CTNNA3: variants seen among roughly 807,000 people sequenced by gnomAD.
The protein encoded by CTNNA3 is catenin alpha 3, also known as catenin alpha-3.
Under a neutral mutation model 95.7 loss-of-function variants are expected in CTNNA3, and 76 were observed. The observed-to-expected ratio is 0.79, with a 90% CI of 0.66 to 0.96. The LOEUF (loss-of-function observed/expected upper bound fraction) is 0.96, where lower values mean the gene tolerates loss of function less well. Among genes scored for constraint, CTNNA3 ranks in the 40% least tolerant of loss-of-function variants. The pLI is 0.00. For missense variants in CTNNA3, 1,191 were observed against 1,089.8 expected (o/e 1.09, Z -1.31); for synonymous variants, 431 against 374.4 (o/e 1.15, Z -1.74).
intron 9 of CTNNA3, among the ~76,000 whole-genome samples, chr10:66,708,703 A>G (rs1412970217): frequency 1.3e-5 from 2 of 152,036 alleles, no homozygotes; most frequent in Non-Finnish European, 2.9e-5. Flanking sequence ...ACTGAGTATC[A>G]CTGAATTTAG....
Position 67,219,658 on chromosome 10 carries a change from G to C in CTNNA3, c.792C>G (p.Thr264=). 6.2e-7 allele frequency: 1 copy of C among 1,614,056 alleles called. No homozygotes were observed. The highest frequency in any genetic ancestry group is 8.5e-7 in the Non-Finnish European group (1 of 1,179,986). ...GGGTTGCTGCCTGAGGTTCTGGTGGGGTTGTCATATTCTGGATCCCTTGTG... is the reference window on the plus strand; with the variant it reads ...GGGTTGCTGCCTGAGGTTCTGGTGGCGTTGTCATATTCTGGATCCCTTGTG... ...NASQGIQNMT[T]PPEPQAATLG... Residue 264 remains threonine (T), a synonymous_variant, in exon 6 of 18, where the codon ACC becomes ACG. Transcript: ENST00000433211.
chr10:66,814,490 G>T (rs1479840773), intron 7 of CTNNA3, among the ~76,000 whole-genome samples: 1 of 152,086 alleles, frequency 6.6e-6, no homozygotes, highest in Non-Finnish European at 1.5e-5. Flanking sequence ...GCTGGGTGCA[G>T]TGGATCACAC....
intron 2 of CTNNA3, among the ~76,000 whole-genome samples, chr10:67,638,242 C>G (rs1485904627): frequency 6.6e-6 from 1 of 152,052 alleles, no homozygotes; most frequent in Non-Finnish European, 1.5e-5. Flanking sequence ...GACTTTAAAC[C>G]AACAAAGATC....
At chr10:66,688,654 AT>A (rs1034518561) in intron 9 of CTNNA3, among the ~76,000 whole-genome samples, 4 of 151,974 alleles carry the variant, frequency 2.6e-5, no homozygotes, top group African/African-American at 7.2e-5. Flanking sequence ...TACTAACTTT[AT>A]TTTCTAAAAT....
intron 15 of CTNNA3, among the ~76,000 whole-genome samples, chr10:66,037,442 T>C (rs2079588938): frequency 6.6e-6 from 1 of 152,186 alleles, no homozygotes; most frequent in East Asian, 1.9e-4. Context: ...AAGCTTCTCA[T>C]AGGAATCATA....
intron 7 of CTNNA3, among the ~76,000 whole-genome samples, chr10:66,804,403 GT>G (rs1174931311): frequency 6.6e-6 from 1 of 151,988 alleles, no homozygotes; most frequent in African/African-American, 2.4e-5. Context: ...TCCTTGCTCA[GT>G]GTCACTTCTG....
intron 13 of CTNNA3, among the ~76,000 whole-genome samples, chr10:66,144,073 G>T (rs556459705): frequency 4.5e-4 from 69 of 152,224 alleles, no homozygotes; most frequent in African/African-American, 1.2e-3. Flanking sequence ...TTGTTGCTAA[G>T]ACAATTTATT....
intron 11 of CTNNA3, among the ~76,000 whole-genome samples, chr10:66,394,060 A>G (rs1293853201): frequency 6.6e-6 from 1 of 152,094 alleles, no homozygotes; most frequent in Non-Finnish European, 1.5e-5. Flanking sequence ...AAGATTGTTT[A>G]TGCTATAGTA....
At chr10:66,875,706 A>G (rs1844590768) in intron 7 of CTNNA3, among the ~76,000 whole-genome samples, 1 of 152,192 alleles carries the variant, frequency 6.6e-6, no homozygotes, top group Admixed American at 6.5e-5. Flanking sequence ...GTCATTTGAG[A>G]TATTATTCTC....
intron 11 of CTNNA3, among the ~76,000 whole-genome samples, chr10:66,432,518 C>T (rs7913571): frequency 0.27 from 40,207 of 151,698 alleles, 5,486 homozygotes; most frequent in South Asian, 0.39. Flanking sequence ...ATTAGCCGGG[C>T]GTAGTGGTGG....
chr10:66,245,104 C>A (rs1202657079), intron 13 of CTNNA3, among the ~76,000 whole-genome samples: 2 of 152,156 alleles, frequency 1.3e-5, no homozygotes, highest in Non-Finnish European at 2.9e-5. Flanking sequence ...AAGGGTGAGT[C>A]AGCAATAGAG....
Position 67,299,404 on chromosome 10 carries a change from G to A in CTNNA3, c.580-79534C>T, listed in dbSNP as rs139016963. Among the ~76,000 whole-genome samples the A allele has an allele frequency of 1.3e-3, 197 of 152,190 alleles. 2 individuals carry two copies. The highest frequency in any genetic ancestry group is 4.5e-3 in the African/African-American group (185 of 41,532). On this transcript the variant is annotated intron_variant, in intron 5 of 17. Coordinates refer to ENST00000433211, the MANE Select transcript of CTNNA3 (RefSeq NM_013266.4). ...GATTTAGAATATGATCAAGATCTAC[G>A]TAAATCTCTACTCTGACTTTTAAAT...
At chr10:67,674,653 C>T (rs1026315272) in intron 1 of CTNNA3, among the ~76,000 whole-genome samples, 31 of 152,128 alleles carry the variant, frequency 2.0e-4, no homozygotes, top group African/African-American at 7.5e-4. Flanking sequence ...AAGGAGATAT[C>T]ACATCACTAT....
chr10:66,027,944 C>T (rs2079373978), intron 15 of CTNNA3, among the ~76,000 whole-genome samples: 1 of 152,130 alleles, frequency 6.6e-6, no homozygotes, highest in African/African-American at 2.4e-5. Context: ...CAGATTAAAG[C>T]ATTTAGAGTC....
chr10:66,024,444 T>C (rs1271922964), intron 15 of CTNNA3, among the ~76,000 whole-genome samples: 1 of 152,286 alleles, frequency 6.6e-6, no homozygotes, highest in African/African-American at 2.4e-5. Flanking sequence ...TACAGTTTCA[T>C]AGATTGATAA....
chr10:67,072,159 G>A (rs1287791413), intron 7 of CTNNA3, among the ~76,000 whole-genome samples: 4 of 152,020 alleles, frequency 2.6e-5, no homozygotes, highest in Non-Finnish European at 4.4e-5. Context: ...TTGCTATGTT[G>A]GTCAGGCTGG....
At chr10:66,614,210 A>G (rs1349299015) in intron 10 of CTNNA3, among the ~76,000 whole-genome samples, 2 of 152,068 alleles carry the variant, frequency 1.3e-5, no homozygotes, top group South Asian at 2.1e-4. Context: ...TCATACTGGG[A>G]CTTTTTATCA....
chr10:66,543,923 A>G (rs1589401582), intron 10 of CTNNA3, among the ~76,000 whole-genome samples: 1 of 75,866 alleles, frequency 1.3e-5, no homozygotes, highest in African/African-American at 5.4e-5. Flanking sequence ...ATATATATAT[A>G]TATATATATA....
intron 13 of CTNNA3, among the ~76,000 whole-genome samples, chr10:66,200,567 A>T (rs2087329922): frequency 6.6e-6 from 1 of 152,164 alleles, no homozygotes; most frequent in Non-Finnish European, 1.5e-5. Context: ...TAAAATATGG[A>T]TGAGAGTGTC....
Sources: gnomAD v4.1 joint callset for allele counts (sites outside exome capture counted in the v4.1 genomes callset) on GRCh38, gnomAD v4.1.1 for gene constraint, MANE v1.5 for transcripts, NCBI Gene and HGNC (gene_info 2026-07-23, HGNC 2026-07-21) for gene names.